Variants in SLIT2 observed in about 807,000 individuals in gnomAD.
SLIT2 encodes slit homolog 2 protein.
A neutral mutation model predicts 185.7 loss-of-function variants in SLIT2; 41 were observed. The ratio of observed to expected loss-of-function variants is 0.22; its 90% confidence interval spans 0.17 to 0.29. The LOEUF (loss-of-function observed/expected upper bound fraction) is 0.29. SLIT2 is among the 10% of genes least tolerant of loss of function. The pLI is 1.00. For missense variants in SLIT2, 1,571 were observed against 1,909.0 expected, an observed-to-expected ratio of 0.82 and a Z score of 3.30; for synonymous variants, 693 against 680.2, an observed-to-expected ratio of 1.02 and a Z score of -0.29.
At chr4:20,609,884 G>A (rs572609524) in intron 33 of SLIT2, 129 bp from the exon 34 acceptor site, 82 of 769,100 alleles carry the variant, frequency 1.1e-4, no homozygotes, top group African/African-American at 4.3e-4. Flanking sequence ...TCAACTACTC[G>A]TCTTTATCTT....
chr4:20,311,320 C>A (rs1239707410), intron 4 of SLIT2, among the ~76,000 whole-genome samples: 1 of 152,092 alleles, frequency 6.6e-6, no homozygotes, highest in African/African-American at 2.4e-5. Context: ...TAAGATTATC[C>A]CTCAAATATT....
chr4:20,494,635 C>T (rs967516842), intron 9 of SLIT2, among the ~76,000 whole-genome samples: 5 of 151,930 alleles, frequency 3.3e-5, no homozygotes, highest in East Asian at 2.0e-4. Flanking sequence ...AAAAATTAGC[C>T]GGGCGTGGTC....
chr4:20,564,478 G>T (rs960886866), intron 26 of SLIT2, among the ~76,000 whole-genome samples: 46 of 151,718 alleles, frequency 3.0e-4, no homozygotes, highest in Non-Finnish European at 1.6e-4. Context: ...ATGAGAGGAG[G>T]CTGCTATGTG....
chr4:20,373,461 T>G (rs985903984), intron 4 of SLIT2, among the ~76,000 whole-genome samples: 2 of 152,084 alleles, frequency 1.3e-5, no homozygotes, highest in African/African-American at 4.8e-5. Context: ...ATAAGTTTAA[T>G]GGTGACCAAT....
At chr4:20,405,928 G>A (rs1312011323) in intron 4 of SLIT2, among the ~76,000 whole-genome samples, 2 of 107,204 alleles carry the variant, frequency 1.9e-5, no homozygotes, top group Non-Finnish European at 4.5e-5. Context: ...CATTACCTTG[G>A]CTGTTCTTGG....
rs139710610 is a variant in SLIT2 at position 20,365,267 on chromosome 4, G to A, written c.395+96386G>A. On this transcript the variant is annotated intron_variant, in intron 4 of 36. Transcript: ENST00000504154. ...TTCATATAACAGAACATACAACCCTGCTGTTGGTGTTGATATAAGAAAAAG... is the reference window on the plus strand; with the variant it reads ...TTCATATAACAGAACATACAACCCTACTGTTGGTGTTGATATAAGAAAAAG... Among the ~76,000 whole-genome samples, 136 of 152,206 alleles carry A rather than the reference G, an allele frequency of 8.9e-4. 1 individual carries two copies. Among genetic ancestry groups the A allele is most frequent in the African/African-American group, 3.0e-3 (126 of 41,522 alleles).
intron 4 of SLIT2, among the ~76,000 whole-genome samples, chr4:20,374,870 T>C (rs557699063): frequency 6.6e-6 from 1 of 152,250 alleles, no homozygotes; most frequent in East Asian, 1.9e-4. Flanking sequence ...GATACATTGA[T>C]CATTTTTCTG....
intron 30 of SLIT2, among the ~76,000 whole-genome samples, chr4:20,595,338 A>T: frequency 6.6e-6 from 1 of 152,168 alleles, no homozygotes; most frequent in East Asian, 1.9e-4. Context: ...CAAATGGATT[A>T]GGCCAAACTG....
At chr4:20,545,689 A>G (rs1353703158) in intron 21 of SLIT2, among the ~76,000 whole-genome samples, 1 of 152,086 alleles carries the variant, frequency 6.6e-6, no homozygotes, top group Non-Finnish European at 1.5e-5. Context: ...AGGTTTTGTT[A>G]CTAGTTAATG....
At chr4:20,509,023 T>C (rs966279167) in intron 9 of SLIT2, among the ~76,000 whole-genome samples, 3 of 151,268 alleles carry the variant, frequency 2.0e-5, no homozygotes, top group Non-Finnish European at 2.9e-5. Context: ...CGCGTGTGTG[T>C]GTGCATGTGT....
In SLIT2 at chr4:20,528,164, G is replaced by A; in HGVS notation, c.1463-785G>A. Reference sequence around the variant, plus strand: ...TTACTGTGGTCATAAACATTCTGCGGGAAGAATGCATGTCATGTAAACAGT... The same window carrying A: ...TTACTGTGGTCATAAACATTCTGCGAGAAGAATGCATGTCATGTAAACAGT... On this transcript the variant is annotated intron_variant, in intron 15 of 36. Coordinates refer to ENST00000504154, the MANE Select transcript of SLIT2 (RefSeq NM_004787.4). The surrounding 1 kb of genome is among the most constrained non-coding windows in gnomAD (Gnocchi z 4.2). 2.1e-6 allele frequency: 1 copy of A among 480,090 alleles called. No homozygotes were observed. Among genetic ancestry groups the A allele is most frequent in the Non-Finnish European group, 4.3e-6 (1 of 233,646 alleles). 29.7% of individuals were successfully genotyped at this position (480,090 alleles called of 1,614,324 possible).
chr4:20,403,908 C>A (rs115999332), intron 4 of SLIT2, among the ~76,000 whole-genome samples: 46,123 of 144,450 alleles, frequency 0.32, 7,405 homozygotes, highest in Non-Finnish European at 0.38. Context: ...AAAAAAAAAA[C>A]AAAAACAAAA....
intron 4 of SLIT2, among the ~76,000 whole-genome samples, chr4:20,307,179 CTTCCTTCCTTCCTTCT>C (rs1717649998): frequency 4.0e-4 from 50 of 125,840 alleles, no homozygotes; most frequent in African/African-American, 1.5e-3. Context: ...TCCTTCCTTC[CTTCCTTCCTTCCTTCT>C]TTCCCTGACT....
At position 20,253,584 on chromosome 4, in the gene SLIT2, A is replaced by C; in HGVS notation, c.-232A>C. ...CCAGGCGGATTCATCCTCAGGACCT[A>C]AAGTTGCCCAAGGAGCTCCTGCTCT... is the stretch of plus-strand genomic sequence containing the variant. On this transcript the variant is annotated 5_prime_UTR_variant, in exon 1 of 37. Transcript: ENST00000504154. 1.7e-6 allele frequency: 1 copy of C among 582,414 alleles called. No homozygotes were observed. The highest frequency in any genetic ancestry group is 3.1e-6 in the Non-Finnish European group (1 of 327,022). 36.1% of individuals were successfully genotyped at this position (582,414 alleles called of 1,614,324 possible).
chr4:20,496,758 GTA>G (rs1718262177), intron 9 of SLIT2, among the ~76,000 whole-genome samples: 1 of 152,112 alleles, frequency 6.6e-6, no homozygotes, highest in African/African-American at 2.4e-5. Context: ...TTGGCACATA[GTA>G]GGCACTTGAT....
chr4:20,436,499 T>C (rs1043312638), intron 4 of SLIT2, among the ~76,000 whole-genome samples: 7 of 152,214 alleles, frequency 4.6e-5, no homozygotes, highest in Non-Finnish European at 8.8e-5. Context: ...CATCAAAACT[T>C]ATTACCCAGA....
intron 6 of SLIT2, among the ~76,000 whole-genome samples, chr4:20,482,777 AG>A (rs1054696197): frequency 5.3e-5 from 8 of 152,086 alleles, no homozygotes; most frequent in Admixed American, 3.9e-4. Context: ...TCTTCTAAAA[AG>A]ATTGAAATAT....
intron 2 of SLIT2, 24 bp downstream of exon 2, chr4:20,256,767 A>C: frequency 8.1e-7 from 1 of 1,239,464 alleles, no homozygotes; most frequent in Non-Finnish European, 1.1e-6. Flanking sequence ...CTGTATTTTT[A>C]AATAATTTTT....
chr4:20,378,778 C>A (rs893254635), intron 4 of SLIT2, among the ~76,000 whole-genome samples: 1 of 152,048 alleles, frequency 6.6e-6, no homozygotes, highest in Non-Finnish European at 1.5e-5. Flanking sequence ...TACATGATCA[C>A]CTGCATACAT....
Sources: allele counts gnomAD v4.1 joint callset (sites outside exome capture counted in the v4.1 genomes callset), GRCh38; gene constraint gnomAD v4.1.1; non-coding constraint Gnocchi (gnomAD v3.1); transcripts MANE v1.5; gene names NCBI Gene and HGNC (gene_info 2026-07-23, HGNC 2026-07-21).